The following PTPRN2 variants were observed in gnomAD, a reference collection of about 807,000 sequenced individuals.
PTPRN2 encodes the protein receptor-type tyrosine-protein phosphatase N2.
Under a neutral mutation model 118.8 loss-of-function variants are expected in PTPRN2, and 74 were observed. The observed-to-expected ratio is 0.62, with a 90% CI of 0.52 to 0.76. The LOEUF is 0.76. Ranked by LOEUF, PTPRN2 falls within the 30% of genes least tolerant of loss-of-function variation. The pLI is 0.00. For synonymous variants in PTPRN2, 641 were observed against 608.0 expected (o/e 1.05, Z -0.80); for missense variants, 1,481 against 1,394.4 (o/e 1.06, Z -0.99).
At chr7:158,058,187 CTG>C in intron 11 of PTPRN2, among the ~76,000 whole-genome samples, 1 of 139,924 alleles carries the variant, frequency 7.1e-6, no homozygotes, top group Non-Finnish European at 1.6e-5. Context: ...TGAGACATCA[CTG>C]TAGCCACACT....
intron 2 of PTPRN2, among the ~76,000 whole-genome samples, chr7:158,434,577 T>C (rs1460597110): frequency 6.6e-6 from 1 of 152,166 alleles, no homozygotes; most frequent in African/African-American, 2.4e-5. Flanking sequence ...TTGCAAGCAG[T>C]GTGGTTTTGT....
chr7:157,759,734 A>G (rs1398305158), intron 12 of PTPRN2, among the ~76,000 whole-genome samples: 5 of 152,232 alleles, frequency 3.3e-5, no homozygotes, highest in Non-Finnish European at 5.9e-5. Context: ...TTACTTTAAC[A>G]AATAATGTAC....
chr7:158,137,769 G>T (rs138954422), intron 7 of PTPRN2, among the ~76,000 whole-genome samples: 2,256 of 152,302 alleles, frequency 0.015, 55 homozygotes, highest in African/African-American at 0.05. Flanking sequence ...AGCTGAGCTA[G>T]GTGCTTTCTT....
In PTPRN2 at chr7:157,540,797, G is replaced by A; in HGVS notation, c.2977-12C>T. ...AACTCAAACTGCTCCTGCAGGGCGA[G>A]AAACGAGAGAAGTGCCAATGAGAGC... On this transcript the variant is annotated splice_polypyrimidine_tract_variant and intron_variant, in intron 22 of 22. Coordinates refer to ENST00000389418, the MANE Select transcript of PTPRN2 (RefSeq NM_002847.5). 1 of 1,552,884 alleles carries A rather than the reference G, an allele frequency of 6.4e-7. No individual in the cohort carries two copies. The highest frequency in any genetic ancestry group is 1.9e-5 in the Admixed American group (1 of 51,738).
At chr7:158,487,575 C>G (rs74843768) in intron 2 of PTPRN2, among the ~76,000 whole-genome samples, 2 of 152,074 alleles carry the variant, frequency 1.3e-5, no homozygotes, top group African/African-American at 4.8e-5. Flanking sequence ...TATTCCTACA[C>G]GTACCTTAAG....
At chr7:158,356,234 TA>T (rs1808374359) in intron 2 of PTPRN2, among the ~76,000 whole-genome samples, 1 of 152,222 alleles carries the variant, frequency 6.6e-6, no homozygotes, top group Non-Finnish European at 1.5e-5. Flanking sequence ...CTCGGGAATC[TA>T]AAATAACCAA....
At position 158,116,369 on chromosome 7, in the gene PTPRN2, G is replaced by T. The variant is rs181479828; in HGVS notation, c.1557-5454C>A. Among the ~76,000 whole-genome samples the T allele has an allele frequency of 2.0e-5, 3 of 152,354 alleles. No homozygotes were observed. In the East Asian group the frequency reaches 5.8e-4, roughly 29 times the overall value. On this transcript the variant is annotated intron_variant, in intron 9 of 22. Transcript: ENST00000389418. ...CTAGTAGGATCTGTCTGATGTAACT[G>T]ATCCTTGAACTCTGAAGCCTAATGA...
chr7:158,583,487 G>T (rs541313062), intron 1 of PTPRN2, among the ~76,000 whole-genome samples: 2 of 151,862 alleles, frequency 1.3e-5, no homozygotes, highest in Non-Finnish European at 1.5e-5. Flanking sequence ...CCCCTCCCTG[G>T]CAGGCACCAC....
intron 2 of PTPRN2, among the ~76,000 whole-genome samples, chr7:158,382,569 C>T (rs1338893018): frequency 6.6e-6 from 1 of 152,208 alleles, no homozygotes; most frequent in Non-Finnish European, 1.5e-5. Flanking sequence ...CCAGGCCACA[C>T]AGCAGGAGGT....
At chr7:158,239,548 T>C (rs546650059) in intron 3 of PTPRN2, among the ~76,000 whole-genome samples, 2 of 152,248 alleles carry the variant, frequency 1.3e-5, no homozygotes, top group Admixed American at 6.5e-5. Context: ...GCAGGACCAA[T>C]GGGGACGTGG....
chr7:158,374,974 G>A (rs530045402), intron 2 of PTPRN2, among the ~76,000 whole-genome samples: 3 of 152,254 alleles, frequency 2.0e-5, no homozygotes, highest in Non-Finnish European at 2.9e-5. Context: ...ATAAAGGGTG[G>A]GGCTAAAATC....
intron 13 of PTPRN2, among the ~76,000 whole-genome samples, chr7:157,681,311 T>C (rs1796906242): frequency 6.6e-6 from 1 of 152,250 alleles, no homozygotes; most frequent in Non-Finnish European, 1.5e-5. Context: ...CCTGGCATCC[T>C]ACATTGAAGG....
intron 13 of PTPRN2, among the ~76,000 whole-genome samples, chr7:157,667,032 C>T (rs2150769775): frequency 9.3e-6 from 1 of 107,310 alleles, no homozygotes; most frequent in South Asian, 3.0e-4. Context: ...GACTTGCACA[C>T]TCGGCCCGTG....
intron 12 of PTPRN2, among the ~76,000 whole-genome samples, chr7:157,737,218 A>C (rs1410084553): frequency 6.6e-6 from 1 of 152,176 alleles, no homozygotes; most frequent in Non-Finnish European, 1.5e-5. Flanking sequence ...GTCTTCCTTC[A>C]CCAGACGGCC....
At chr7:158,171,314 T>TATATATATATATATATATATACATAC (rs1823659585) in intron 5 of PTPRN2, among the ~76,000 whole-genome samples, 3 of 98,308 alleles carry the variant, frequency 3.1e-5, no homozygotes, top group African/African-American at 1.4e-4. Flanking sequence ...CACACATATA[T>TATATATATATATATATATATACATAC]ATATATATAT....
chr7:157,805,372 C>G (rs995421233), intron 12 of PTPRN2, among the ~76,000 whole-genome samples: 7 of 151,796 alleles, frequency 4.6e-5, no homozygotes, highest in South Asian at 2.1e-4. Context: ...AAGATCGCAG[C>G]TCATCAGGAA....
Position 157,609,953 on chromosome 7 carries a change from T to G in PTPRN2, c.2345-5878A>C, listed in dbSNP as rs555056048. ...AAGCATGCTAGAGGACGCGGCGGTA[T>G]AGTCATTAATCATGATCTAGAACCT... On this transcript the variant is annotated intron_variant, in intron 15 of 22. Transcript: ENST00000389418. The surrounding 1 kb of genome is among the most constrained non-coding windows in gnomAD (Gnocchi z 4.9). 2.5e-4 allele frequency among the ~76,000 whole-genome samples: 38 copies of G among 152,052 alleles called. No individual in the cohort carries two copies. The highest frequency in any genetic ancestry group is 6.7e-4 in the African/African-American group (28 of 41,538).
chr7:158,443,816 T>C (rs1328937068), intron 2 of PTPRN2, among the ~76,000 whole-genome samples: 1 of 152,120 alleles, frequency 6.6e-6, no homozygotes, highest in Non-Finnish European at 1.5e-5. Flanking sequence ...CTGGGGGTCC[T>C]TGTCTGGGTG....
rs774267519 is a variant in PTPRN2, at chr7:158,224,549, G to C, written c.278-19276C>G. Among the ~76,000 whole-genome samples, 5 of 152,198 alleles carry C rather than the reference G, an allele frequency of 3.3e-5. No individual in the cohort carries two copies. In the East Asian group the frequency reaches 9.7e-4, roughly 29 times the overall value. ...GATTGGACATCCACAGGCAAAAACA[G>C]GAACCTCTATGTAAGCTTCACAGTC... On this transcript the variant is annotated intron_variant, in intron 3 of 22. Coordinates refer to ENST00000389418, the MANE Select transcript of PTPRN2 (RefSeq NM_002847.5).
Sources: gnomAD v4.1 joint callset for allele counts (sites outside exome capture counted in the v4.1 genomes callset) on GRCh38, gnomAD v4.1.1 for gene constraint, Gnocchi (gnomAD v3.1) non-coding constraint, MANE v1.5 for transcripts, NCBI Gene and HGNC (gene_info 2026-07-23, HGNC 2026-07-21) for gene names.